SHF: variants seen among roughly 807,000 people sequenced by gnomAD.
The protein encoded by SHF is Src homology 2 domain containing F.
In SHF, 30 loss-of-function variants were observed where a neutral mutation model predicts 42.4. That is an observed-to-expected ratio of 0.71 (90% CI 0.53 to 0.96). The LOEUF (loss-of-function observed/expected upper bound fraction) is 0.96. Ranked by LOEUF, SHF falls within the 40% of genes least tolerant of loss-of-function variation. The pLI is 0.00. For synonymous variants in SHF, 264 were observed against 269.9 expected, an observed-to-expected ratio of 0.98 and a Z score of 0.21; for missense variants, 598 against 634.0, an observed-to-expected ratio of 0.94 and a Z score of 0.61.
intron 6 of SHF, among the ~76,000 whole-genome samples, chr15:45,169,148 A>T (rs1275972599): frequency 2.0e-5 from 3 of 152,128 alleles, no homozygotes; most frequent in Admixed American, 1.3e-4. Context: ...AAGCAGAACC[A>T]GTGAGGGAGC....
At chr15:45,199,953 CAAAAAAAAAAAAA>C (rs56982094) in intron 1 of SHF, 1 of 59,500 alleles carries the variant, frequency 1.7e-5, no homozygotes, top group African/African-American at 5.6e-5. Context: ...GGCTCCATCT[CAAAAAAAAAAAAA>C]AAAAAAAAAA....
intron 6 of SHF, 143 bp from the exon 7 acceptor site, chr15:45,168,276 G>C (rs551446102): frequency 2.5e-6 from 2 of 790,252 alleles, no homozygotes; most frequent in African/African-American, 3.5e-5. Flanking sequence ...GGGAGGTGGA[G>C]GTCAGTCCAG....
intron 2 of SHF, among the ~76,000 whole-genome samples, chr15:45,196,345 C>T (rs925454749): frequency 2.6e-5 from 4 of 152,154 alleles, no homozygotes; most frequent in African/African-American, 7.2e-5. Context: ...CCACCTGCCT[C>T]GGCCTCCCGA....
chr15:45,179,422 G>A (rs1466362781), intron 1 of SHF, among the ~76,000 whole-genome samples: 1 of 152,158 alleles, frequency 6.6e-6, no homozygotes, highest in Non-Finnish European at 1.5e-5. Flanking sequence ...CTCCTGGAGG[G>A]CAGGGACAGG....
rs149643344 is a variant in SHF, at chr15:45,193,504, T to A, written c.303+5268A>T. Among the ~76,000 whole-genome samples the A allele has an allele frequency of 1.2e-3, 186 of 152,248 alleles. 1 individual carries two copies. The highest frequency in any genetic ancestry group is 4.1e-3 in the African/African-American group (170 of 41,542). ...AGAGGAATAGTCACTTATGCCTTAGTCTGGTTTAGTGAAGCAATAGGGCAG... is the reference window on the plus strand; with the variant it reads ...AGAGGAATAGTCACTTATGCCTTAGACTGGTTTAGTGAAGCAATAGGGCAG... On this transcript the variant is annotated intron_variant, in intron 2 of 7. Coordinates refer to the SHF transcript ENST00000290894.
chr15:45,172,458 G>T, intron 4 of SHF, 140 bp from the exon 5 acceptor site: 1 of 995,624 alleles, frequency 1.0e-6, no homozygotes, highest in Non-Finnish European at 1.4e-6. Context: ...AGCCCATGCT[G>T]AAGGGCCTGA....
chr15:45,181,959 T>C (rs1333173877), intron 1 of SHF, among the ~76,000 whole-genome samples: 5 of 151,988 alleles, frequency 3.3e-5, no homozygotes. Flanking sequence ...AAGTAGCTAC[T>C]ACCCAGAGGA....
chr15:45,167,965 C>A lies in SHF; in HGVS notation c.1449G>T (p.Val483=), dbSNP rs1433831749. Reference sequence around the variant, plus strand: ...TTCACATCTAAAGAGTCCGGATGGCCACAGGGTAGAGCAGGGACATGTGTT... The same window carrying A: ...TTCACATCTAAAGAGTCCGGATGGCAACAGGGTAGAGCAGGGACATGTGTT... ...GAEHMSLLYP[V]AIRTL Residue 483 remains valine (V), a synonymous_variant, in exon 7 of 7, where the codon GTG becomes GTT. Coordinates refer to ENST00000690270, the MANE Select transcript of SHF (RefSeq NM_001394037.1). 1.2e-6 allele frequency: 2 copies of A among 1,608,922 alleles called. No individual in the cohort carries two copies. The highest frequency in any genetic ancestry group is 2.7e-5 in the African/African-American group (2 of 74,884).
At chr15:45,197,758 C>T (rs1034141256) in intron 2 of SHF, among the ~76,000 whole-genome samples, 10 of 151,118 alleles carry the variant, frequency 6.6e-5, no homozygotes, top group African/African-American at 2.4e-4. Flanking sequence ...GACCTCTTCC[C>T]AGTAAAGGGA....
upstream of SHF, among the ~76,000 whole-genome samples, chr15:45,189,430 C>T (rs1041324410): frequency 1.4e-5 from 2 of 138,766 alleles, no homozygotes; most frequent in Admixed American, 7.7e-5. Flanking sequence ...AGTCTCACTC[C>T]GTCGCTGGAG....
rs1271466614 is a variant in SHF, at chr15:45,177,121, T to C, written c.640+1044A>G. ...CAAGTAGGAAGAGCAGTTTATTGTA[T>C]TGGTCAGTGAATGCACACTCTCTTT... is the stretch of plus-strand genomic sequence containing the variant. On this transcript the variant is annotated intron_variant, in intron 2 of 6. Transcript: ENST00000690270. Among the ~76,000 whole-genome samples, 10 of 152,308 alleles carry C rather than the reference T, an allele frequency of 6.6e-5. No homozygotes were observed. In the East Asian group the frequency reaches 1.9e-3, roughly 29 times the overall value.
upstream of SHF, among the ~76,000 whole-genome samples, chr15:45,192,222 C>T (rs2141441901): frequency 6.6e-6 from 1 of 151,006 alleles, no homozygotes; most frequent in East Asian, 1.9e-4. Context: ...TTTGATTTTT[C>T]CTGAAAGTGT....
chr15:45,198,585 G>T (rs1016172916), intron 2 of SHF: 2 of 603,608 alleles, frequency 3.3e-6, no homozygotes, highest in African/African-American at 1.9e-5. Flanking sequence ...CGAGCCCCTT[G>T]CCGTGCCATT....
upstream of SHF, among the ~76,000 whole-genome samples, chr15:45,189,054 G>T (rs1898620234): frequency 6.6e-6 from 1 of 152,024 alleles, no homozygotes; most frequent in Non-Finnish European, 1.5e-5. Context: ...TTAGTCGGGT[G>T]TGGTGGCGGG....
At chr15:45,169,821 C>T (rs2141333886) in intron 6 of SHF, among the ~76,000 whole-genome samples, 1 of 152,338 alleles carries the variant, frequency 6.6e-6, no homozygotes, top group African/African-American at 2.4e-5. Flanking sequence ...CATTAGGACA[C>T]AGCAAAGCCC....
upstream of SHF, among the ~76,000 whole-genome samples, chr15:45,191,928 T>TA (rs61199234): frequency 0.018 from 2,446 of 135,500 alleles, 51 homozygotes; most frequent in South Asian, 0.052. Flanking sequence ...TGTCTCTATT[T>TA]AAAAAAAAAA....
At chr15:45,189,694 C>G (rs571195670), upstream of SHF, among the ~76,000 whole-genome samples, 148 of 152,152 alleles carry the variant, frequency 9.7e-4, 1 homozygote, top group African/African-American at 3.4e-3. Context: ...CTGGCCATAT[C>G]TGCCTTTTGA....
intron 1 of SHF, among the ~76,000 whole-genome samples, chr15:45,183,524 C>T (rs1022697753): frequency 3.3e-5 from 5 of 152,242 alleles, no homozygotes; most frequent in African/African-American, 4.8e-5. Context: ...CCCACAGGCC[C>T]ACCGTATGCA....
In SHF at chr15:45,187,481, G is replaced by T. The variant is rs1898490004; in HGVS notation, c.471C>A (p.Ile157=). 36 of 1,232,706 alleles carry T rather than the reference G, an allele frequency of 2.9e-5. No individual in the cohort carries two copies. Among genetic ancestry groups the T allele is most frequent in the Non-Finnish European group, 3.5e-5 (35 of 988,234 alleles). The allele number at this position is 1,232,706 out of a possible 1,614,324, so 76.4% of individuals were successfully genotyped here. A position where few individuals can be genotyped will look rare whatever the true frequency, so the allele number is the denominator to read the frequency against. Residue 157 remains isoleucine, a synonymous_variant, in exon 1 of 7, where the codon ATC becomes ATA. Coordinates refer to ENST00000690270, the MANE Select transcript of SHF (RefSeq NM_001394037.1). Reference sequence around the variant, plus strand: ...TATCGCTGCTGGCGGGGGGTCCGGAGATCCGCTCATCAGCAGGCGGCGCCG... The same window carrying T: ...TATCGCTGCTGGCGGGGGGTCCGGATATCCGCTCATCAGCAGGCGGCGCCG... The part of the protein sequence containing the change: ...GPPAPPADER[I]SGPPASSDRL...
Sources: allele counts gnomAD v4.1 joint callset (sites outside exome capture counted in the v4.1 genomes callset), GRCh38; gene constraint gnomAD v4.1.1; transcripts MANE v1.5; gene names NCBI Gene and HGNC (gene_info 2026-07-23, HGNC 2026-07-21).